Variants in LRRC43 observed in about 807,000 individuals in gnomAD.
LRRC43 encodes the protein leucine rich repeat containing 43, also known as leucine-rich repeat-containing protein 43.
A neutral mutation model predicts 64.3 loss-of-function variants in LRRC43; 62 were observed. That is an observed-to-expected ratio of 0.96 (90% CI 0.79 to 1.19). The LOEUF is 1.19. Ranked by LOEUF, LRRC43 falls within the 50% of genes most tolerant of loss-of-function variation. The probability of loss-of-function intolerance (pLI) is 0.00; values close to 1 mark genes in which losing one functional copy is unlikely to be tolerated. For missense variants in LRRC43, 868 were observed against 845.0 expected, an observed-to-expected ratio of 1.03 and a Z score of -0.34; for synonymous variants, 422 against 382.3, an observed-to-expected ratio of 1.10 and a Z score of -1.21.
chr12:122,201,070 G>A (rs1953833657), intron 10 of LRRC43, 136 bp downstream of exon 10: 8 of 1,191,316 alleles, frequency 6.7e-6, no homozygotes, highest in Non-Finnish European at 5.9e-6. Flanking sequence ...CCTGGGGCAT[G>A]CAGCTGGGCT....
intron 1 of LRRC43, among the ~76,000 whole-genome samples, chr12:122,169,524 G>C (rs1350104225): frequency 1.3e-5 from 2 of 151,830 alleles, no homozygotes; most frequent in Non-Finnish European, 2.9e-5. Context: ...GACCATCCTG[G>C]CTAACACGGT....
Position 122,187,732 on chromosome 12 carries a change from G to A in LRRC43, c.554G>A (p.Ser185Asn). The change falls in exon 4 of 12, where the codon AGC becomes AAC. Residue 185 changes from serine to asparagine, a missense_variant. Transcript: ENST00000339777. ...VLELYGNEIS[S>N]MECLCAHPPA... is the part of the protein sequence containing the mutation. ...GAGCTCTACGGCAATGAGATCAGCA[G>A]CATGGAGTGTCTGTGTGCCCACCCA... 1.2e-6 allele frequency: 2 copies of A among 1,613,940 alleles called. No homozygotes were observed. The highest frequency in any genetic ancestry group is 1.1e-5 in the South Asian group (1 of 91,084).
chr12:122,174,602 G>T (rs546766510), intron 1 of LRRC43, among the ~76,000 whole-genome samples: 19 of 152,316 alleles, frequency 1.2e-4, no homozygotes, highest in Non-Finnish European at 2.1e-4. Flanking sequence ...GGGAGGAAAT[G>T]CGAAGCCGGC....
upstream of LRRC43, among the ~76,000 whole-genome samples, chr12:122,179,560 G>C (rs1953564737): frequency 6.6e-6 from 1 of 152,170 alleles, no homozygotes; most frequent in African/African-American, 2.4e-5. Flanking sequence ...AAAACTGTAA[G>C]CCAGTAAGAG....
In LRRC43 at chr12:122,184,649, C is replaced by T. The variant is rs1288611912; in HGVS notation, c.281C>T (p.Pro94Leu). The change falls in exon 2 of 12, where the codon CCC becomes CTC. Residue 94 changes from proline to leucine, a missense_variant. Pro to Leu is a moderately conservative substitution (Grantham distance 98). Transcript: ENST00000339777. The surrounding 1 kb of genome is among the most constrained non-coding windows in gnomAD (Gnocchi z 4.0). The stretch of plus-strand genomic sequence containing the variant: ...GGCCTGGTCCGCAGCCGCCACTCCC[C>T]CTGGGCTCTGCTGAACAACTCGAAT... The part of the protein sequence containing the change: ...LLGLVRSRHS[P>L]WALLNNSNAE... 2.5e-6 allele frequency: 4 copies of T among 1,613,998 alleles called. No individual in the cohort carries two copies. The highest frequency in any genetic ancestry group is 2.2e-5 in the South Asian group (2 of 91,086).
intron 1 of LRRC43, among the ~76,000 whole-genome samples, chr12:122,169,064 G>A (rs943672752): frequency 4.6e-5 from 7 of 152,148 alleles, no homozygotes; most frequent in East Asian, 1.9e-4. Context: ...ATACCCAAGC[G>A]TGGGCTCACT....
chr12:122,183,172 G>C lies in LRRC43; in HGVS notation c.28G>C (p.Glu10Gln). The C allele has an allele frequency of 1.3e-6, 2 of 1,554,808 alleles. No homozygotes were observed. The highest frequency in any genetic ancestry group is 1.2e-5 in the South Asian group (1 of 85,630). MEASYESES[E>Q]SESEAGPGTQ... ...GGAGGCGTCGTACGAGTCCGAGTCC[G>C]AGTCCGAGTCTGAGGCCGGGCCTGG... Residue 10 changes from glutamate to glutamine, a missense_variant, in exon 1 of 12, where the codon GAG becomes CAG. Physicochemically the swap from Glu to Gln is conservative, Grantham distance 29. Coordinates refer to ENST00000339777, the MANE Select transcript of LRRC43 (RefSeq NM_001098519.2).
intron 1 of LRRC43, chr12:122,172,731 T>C (rs1953498317): frequency 1.2e-6 from 2 of 1,608,786 alleles, no homozygotes; most frequent in African/African-American, 2.7e-5. Context: ...CACGCCCTTC[T>C]CTTCCTCCAC....
Position 122,200,878 on chromosome 12 carries a change from G to A in LRRC43, c.1753G>A (p.Val585Met), listed in dbSNP as rs202116628. Residue 585 changes from valine to methionine, a missense_variant, in exon 10 of 12, where the codon GTG (valine) becomes ATG (methionine). Transcript: ENST00000339777. The surrounding 1 kb of genome is among the most constrained non-coding windows in gnomAD (Gnocchi z 4.6). Reference protein sequence around the residue: ...LLAGEPLVSTVCNFGVVRTLT... With the variant: ...LLAGEPLVSTMCNFGVVRTLT... ...CGCCGGGGAGCCCCTGGTGTCCACC[G>A]TGTGCAACTTCGGCGTGGTCCGCAC... 6.8e-5 allele frequency: 109 copies of A among 1,612,764 alleles called. No individual in the cohort carries two copies. The highest frequency in any genetic ancestry group is 1.6e-4 in the Middle Eastern group (1 of 6,074).
intron 1 of LRRC43, among the ~76,000 whole-genome samples, chr12:122,170,824 T>G (rs753265121): frequency 1.6e-4 from 25 of 151,850 alleles, no homozygotes; most frequent in Non-Finnish European, 2.8e-4. Flanking sequence ...GCTGGTAGAC[T>G]CAAGATTAGT....
At position 122,186,300 on chromosome 12, in the gene LRRC43, G is replaced by A. The variant is rs1331799830; in HGVS notation, c.522G>A (p.Lys174=). The A allele has an allele frequency of 1.3e-6, 2 of 1,583,938 alleles. No individual in the cohort carries two copies. Among genetic ancestry groups the A allele is most frequent in the South Asian group, 1.2e-5 (1 of 86,628 alleles). ...VDATNLPPTL[K]VLELYGNEIS... ...CCACCAATCTGCCCCCCACACTCAA[G>A]GTGAAGGAGCCCCGGTCTGTGTTGA... is the stretch of plus-strand genomic sequence containing the variant. Residue 174 remains lysine, a splice_region_variant and synonymous_variant, in exon 3 of 12, where the codon AAG becomes AAA. Coordinates refer to ENST00000339777, the MANE Select transcript of LRRC43 (RefSeq NM_001098519.2).
In LRRC43 at chr12:122,184,765, G is replaced by A. The variant is rs549848383; in HGVS notation, c.397G>A (p.Val133Ile). 6.2e-7 allele frequency: 1 copy of A among 1,603,656 alleles called. No homozygotes were observed. The highest frequency in any genetic ancestry group is 1.7e-5 in the Admixed American group (1 of 57,834). The change falls in exon 2 of 12, where the codon GTA becomes ATA. Residue 133 changes from valine to isoleucine, a missense_variant. Coordinates refer to ENST00000339777, the MANE Select transcript of LRRC43 (RefSeq NM_001098519.2). This position sits in a 1 kb window ranked among gnomAD's most constrained non-coding sequence, Gnocchi z 4.0. ...CTACTCCTACTTCCGGTCCCTGCGG[G>A]TAATAGACAAGAAGGTCAGTGCTGG... ...FFYSYFRSLRVIDKKVTLVDK... is the reference protein window; with the variant it reads ...FFYSYFRSLRIIDKKVTLVDK...
chr12:122,170,135 T>A (rs1953472479), intron 1 of LRRC43, among the ~76,000 whole-genome samples: 1 of 152,156 alleles, frequency 6.6e-6, no homozygotes, highest in Admixed American at 6.6e-5. Flanking sequence ...AAAATGAACT[T>A]GTGGGTATTT....
chr12:122,170,034 T>A (rs1402944681), intron 1 of LRRC43, among the ~76,000 whole-genome samples: 1 of 152,066 alleles, frequency 6.6e-6, no homozygotes, highest in Non-Finnish European at 1.5e-5. Flanking sequence ...CTCGAGCTCC[T>A]GACCTCAAGT....
chr12:122,180,397 C>T (rs1426592859), upstream of LRRC43, among the ~76,000 whole-genome samples: 2 of 151,438 alleles, frequency 1.3e-5, no homozygotes, highest in Non-Finnish European at 2.9e-5. Context: ...CGGGAGCCTG[C>T]AATCCCAGCT....
chr12:122,173,730 C>T, intron 1 of LRRC43: 1 of 907,694 alleles, frequency 1.1e-6, no homozygotes, highest in Non-Finnish European at 1.7e-6. Flanking sequence ...TCCCCCATCC[C>T]TTCCTGGCAT....
intron 6 of LRRC43, among the ~76,000 whole-genome samples, 195 bp downstream of exon 6, chr12:122,191,762 CT>C: frequency 6.6e-6 from 1 of 151,736 alleles, no homozygotes; most frequent in Admixed American, 6.6e-5. Flanking sequence ...TCAAGCAATT[CT>C]CCTGCCTCAG....
rs1335941920 is a variant in LRRC43, at chr12:122,190,127, C to G, written c.663-3C>G. The G allele has an allele frequency of 1.2e-6, 2 of 1,613,750 alleles. No homozygotes were observed. The highest frequency in any genetic ancestry group is 1.1e-5 in the South Asian group (1 of 91,074). ...CCCCCAGACGGTCCTGCTCACCTTC[C>G]AGGCCCAACCTCGTCTCCCTGGACC... On this transcript the variant is annotated splice_region_variant and splice_polypyrimidine_tract_variant and intron_variant, in intron 4 of 11. Transcript: ENST00000339777.
At position 122,203,446 on chromosome 12, in the gene LRRC43, G is replaced by A; in HGVS notation, c.*4G>A. ...TCTGCGCATGTTCGCCGTGTAGGGCGTGGGCAGTAAAGGCTGTTCCCAGCA... is the reference window on the plus strand; with the variant it reads ...TCTGCGCATGTTCGCCGTGTAGGGCATGGGCAGTAAAGGCTGTTCCCAGCA... On this transcript the variant is annotated 3_prime_UTR_variant, in exon 12 of 12. Transcript: ENST00000339777. 3.1e-6 allele frequency: 5 copies of A among 1,608,834 alleles called. No individual in the cohort carries two copies. Among genetic ancestry groups the A allele is most frequent in the Non-Finnish European group, 4.2e-6 (5 of 1,179,154 alleles).
Sources: gnomAD v4.1 joint callset for allele counts (sites outside exome capture counted in the v4.1 genomes callset) on GRCh38, gnomAD v4.1.1 for gene constraint, Gnocchi (gnomAD v3.1) non-coding constraint, MANE v1.5 for transcripts, NCBI Gene and HGNC (gene_info 2026-07-23, HGNC 2026-07-21) for gene names.